The following ZNF311 variants were observed in gnomAD, a reference collection of about 807,000 sequenced individuals.
ZNF311 encodes the protein zinc finger protein 311.
A neutral mutation model predicts 22.7 loss-of-function variants in ZNF311; 14 were observed. The ratio of observed to expected loss-of-function variants is 0.62; its 90% CI spans 0.41 to 0.96. The LOEUF is 0.96. Ranked by LOEUF, ZNF311 falls within the 40% of genes least tolerant of loss-of-function variation. ZNF311 has a pLI of 0.00. For synonymous variants in ZNF311, 250 were observed against 275.3 expected (o/e 0.91, Z 0.91); for missense variants, 731 against 799.0 (o/e 0.91, Z 1.03).
chr6:28,998,957 G>C, intron 5 of ZNF311, 119 bp from the exon 6 acceptor site: 1 of 649,618 alleles, frequency 1.5e-6, no homozygotes, highest in Non-Finnish European at 2.5e-6. Context: ...TGTTAATTTA[G>C]ATAGAGAAAA....
chr6:29,000,845 T>C (rs1481353596), intron 3 of ZNF311, among the ~76,000 whole-genome samples: 1 of 151,942 alleles, frequency 6.6e-6, no homozygotes, highest in Non-Finnish European at 1.5e-5. Context: ...GGCGTGATCT[T>C]GCCTCACTGC....
upstream of ZNF311, among the ~76,000 whole-genome samples, chr6:29,005,490 G>C (rs147714437): frequency 3.4e-3 from 511 of 152,124 alleles, 5 homozygotes; most frequent in African/African-American, 9.6e-3. Flanking sequence ...GGGTATTTAG[G>C]TGAGGGGGGC....
intron 3 of ZNF311, among the ~76,000 whole-genome samples, chr6:29,003,288 T>A (rs1056392381): frequency 1.3e-5 from 2 of 152,228 alleles, no homozygotes; most frequent in African/African-American, 2.4e-5. Context: ...TTGTAGAATC[T>A]TTTACACACT....
chr6:29,002,639 T>C (rs553698957), intron 3 of ZNF311, among the ~76,000 whole-genome samples: 12 of 151,048 alleles, frequency 7.9e-5, no homozygotes, highest in Admixed American at 1.3e-4. Flanking sequence ...TTTTTTTTTT[T>C]AGACAGAGTC....
intron 3 of ZNF311, among the ~76,000 whole-genome samples, chr6:29,002,968 C>T (rs9257455): frequency 0.57 from 86,028 of 151,970 alleles, 27,625 homozygotes; most frequent in African/African-American, 0.87. Flanking sequence ...TCCTCACATA[C>T]GCCACCAAAG....
Position 28,995,107 on chromosome 6 carries a change from CTT to C in ZNF311, c.1893_1894del (p.Arg632LysfsTer9). 2 of 1,613,616 alleles carry C rather than the reference CTT, an allele frequency of 1.2e-6. No individual in the cohort carries two copies. The highest frequency in any genetic ancestry group is 1.7e-6 in the Non-Finnish European group (2 of 1,179,762). ...ATGGGTACTCCATACTTGATGTTTT[CTT>C]TTCTTATGTCCAGTAAGATTTGAGC... On this transcript the variant is annotated frameshift_variant, in exon 7 of 7. Transcript: ENST00000377179. LOFTEE classifies it low-confidence loss of function (END_TRUNC). The surrounding 1 kb of genome is among the most constrained non-coding windows in gnomAD (Gnocchi z 4.7).
chr6:29,001,880 C>A (rs141680947), intron 3 of ZNF311, among the ~76,000 whole-genome samples: 1 of 152,292 alleles, frequency 6.6e-6, no homozygotes, highest in East Asian at 1.9e-4. Context: ...ATATCATTAA[C>A]TGGAAGTTCA....
Position 28,996,202 on chromosome 6 carries a change from T to C in ZNF311, c.800A>G (p.Gln267Arg). Residue 267 changes from glutamine to arginine, a missense_variant, in exon 7 of 7, where the codon CAA (glutamine) becomes CGA (arginine). Gln to Arg is a conservative substitution (Grantham distance 43, BLOSUM62 1). Transcript: ENST00000377179. ...ATGGGGTTTCTCACCAGAATGAATT[T>C]GCTCATGGAGAATTAGATCTGAGTG... ...SWHSDLILHE[Q>R]IHSGEKPHVC... The C allele has an allele frequency of 6.2e-7, 1 of 1,613,502 alleles. No homozygotes were observed. The highest frequency in any genetic ancestry group is 8.5e-7 in the Non-Finnish European group (1 of 1,180,042).
At chr6:29,003,450 C>T (rs1488560510) in intron 3 of ZNF311, 63 bp downstream of exon 3, 3 of 1,520,938 alleles carry the variant, frequency 2.0e-6, no homozygotes, top group African/African-American at 1.4e-5. Flanking sequence ...TTTCCACCCA[C>T]TCTGTGTCCT....
intron 6 of ZNF311, among the ~76,000 whole-genome samples, chr6:28,997,327 T>A (rs1326097146): frequency 6.6e-6 from 1 of 152,216 alleles, no homozygotes; most frequent in Non-Finnish European, 1.5e-5. Flanking sequence ...GGAAACCTGA[T>A]GGTTTTGAGT....
chr6:28,995,678 G>A lies in ZNF311; in HGVS notation c.1324C>T (p.His442Tyr), dbSNP rs1156904558. 1 of 1,613,584 alleles carries A rather than the reference G, an allele frequency of 6.2e-7. No individual in the cohort carries two copies. The highest frequency in any genetic ancestry group is 1.7e-5 in the Admixed American group (1 of 60,022). Reference protein sequence around the residue: ...KHKRIHTREKHYGCPQCGKDF... With the variant: ...KHKRIHTREKYYGCPQCGKDF... Reference sequence around the variant, plus strand: ...TTTCCACACTGGGGACACCCATAGTGTTTCTCCCGAGTATGGATTCGTTTG... The same window carrying A: ...TTTCCACACTGGGGACACCCATAGTATTTCTCCCGAGTATGGATTCGTTTG... The change falls in exon 7 of 7, where the codon CAC becomes TAC. Residue 442 changes from histidine (H) to tyrosine (Y), a missense_variant. His to Tyr is a moderately conservative substitution (Grantham distance 83). Transcript: ENST00000377179. This position sits in a 1 kb window ranked among gnomAD's most constrained non-coding sequence, Gnocchi z 4.7.
intron 3 of ZNF311, among the ~76,000 whole-genome samples, chr6:29,002,103 G>C (rs947095825): frequency 6.6e-6 from 1 of 152,082 alleles, no homozygotes; most frequent in African/African-American, 2.4e-5. Context: ...AAATTGAAAG[G>C]TTATTCCTCT....
In ZNF311 at chr6:28,995,426, G is replaced by C. The variant is rs749556314; in HGVS notation, c.1576C>G (p.Pro526Ala). 6.2e-7 allele frequency: 1 copy of C among 1,614,138 alleles called. No homozygotes were observed. The highest frequency in any genetic ancestry group is 8.5e-7 in the Non-Finnish European group (1 of 1,180,036). ...TTCCCACACTCTAAACATTTGTAAG[G>C]TTTCTCTCCAGTGTGGATTCTCTGA... ...IHQRIHTGEK[P>A]YKCLECGKAF... Residue 526 changes from proline (P) to alanine (A), a missense_variant, in exon 7 of 7, where the codon CCT (proline) becomes GCT (alanine). Pro to Ala is a conservative substitution (Grantham distance 27). Transcript: ENST00000377179. This position sits in a 1 kb window ranked among gnomAD's most constrained non-coding sequence, Gnocchi z 4.7.
At chr6:29,003,416 G>A in intron 3 of ZNF311, 97 bp downstream of exon 3, 1 of 1,088,580 alleles carries the variant, frequency 9.2e-7, no homozygotes, top group South Asian at 1.3e-5. Flanking sequence ...TTAATGAACA[G>A]ATTTTTGGGC....
In ZNF311 at chr6:28,998,786, G is replaced by A; in HGVS notation, c.363C>T (p.Asp121=). 1 of 1,612,972 alleles carries A rather than the reference G, an allele frequency of 6.2e-7. No individual in the cohort carries two copies. The highest frequency in any genetic ancestry group is 8.5e-7 in the Non-Finnish European group (1 of 1,180,012). The change falls in exon 6 of 7, where the codon GAC becomes GAT. Residue 121 remains aspartate, a synonymous_variant. Coordinates refer to ENST00000377179, the MANE Select transcript of ZNF311 (RefSeq NM_001382360.1). ...PLISHLEREV[D]PCVQDPQDRE... The stretch of plus-strand genomic sequence containing the variant: ...TGTCCTGTGGATCCTGCACACAGGG[G>A]TCTACTTCTCGCTCCAGATGAGAGA...
In ZNF311 at chr6:28,999,496, C is replaced by A. The variant is rs1780129890; in HGVS notation, c.301G>T (p.Val101Leu). ...DVMLENYGNM[V>L]SLGFPFPKPP... Reference sequence around the variant, plus strand: ...TAGGGAAGGTCCTTACCAAGTGATACCATGTTCCCATAATTTTCCAACATC... The same window carrying A: ...TAGGGAAGGTCCTTACCAAGTGATAACATGTTCCCATAATTTTCCAACATC... Residue 101 changes from valine (V) to leucine (L), a missense_variant, in exon 5 of 7, where the codon GTA becomes TTA. Val to Leu is a conservative substitution (Grantham distance 32, BLOSUM62 1). Transcript: ENST00000377179. 8.1e-6 allele frequency: 13 copies of A among 1,609,762 alleles called. No individual in the cohort carries two copies. Among genetic ancestry groups the A allele is most frequent in the Non-Finnish European group, 1.1e-5 (13 of 1,178,836 alleles).
chr6:29,003,280 G>C (rs1780702431), intron 3 of ZNF311, among the ~76,000 whole-genome samples: 1 of 152,106 alleles, frequency 6.6e-6, no homozygotes, highest in Admixed American at 6.5e-5. Flanking sequence ...AAATTGCTTT[G>C]TAGAATCTTT....
Position 28,995,250 on chromosome 6 carries a change from GGT to G in ZNF311, c.1750_1751del (p.Thr584LeufsTer3). ...KRIHTGEKPY[T>X]CSECGTSFRQ... ...GGAAGGACGTGCCACACTCACTGCA[GGT>G]GTATGGCTTCTCACCAGTGTGGATT... On this transcript the variant is annotated frameshift_variant, in exon 7 of 7. Coordinates refer to ENST00000377179, the MANE Select transcript of ZNF311 (RefSeq NM_001382360.1). LOFTEE classifies it low-confidence loss of function (END_TRUNC). This position sits in a 1 kb window ranked among gnomAD's most constrained non-coding sequence, Gnocchi z 4.7. The G allele has an allele frequency of 6.2e-7, 1 of 1,614,062 alleles. No individual in the cohort carries two copies. Among genetic ancestry groups the G allele is most frequent in the South Asian group, 1.1e-5 (1 of 91,090 alleles).
At chr6:29,005,427 C>G (rs940839233), upstream of ZNF311, 4 of 151,988 alleles carry the variant, frequency 2.6e-5, no homozygotes, top group Non-Finnish European at 5.9e-5. Context: ...CAGCCGACTC[C>G]CTCCTCAAAT....
Sources: allele counts gnomAD v4.1 joint callset (sites outside exome capture counted in the v4.1 genomes callset), GRCh38; gene constraint gnomAD v4.1.1; non-coding constraint Gnocchi (gnomAD v3.1); transcripts MANE v1.5; gene names NCBI Gene and HGNC (gene_info 2026-07-23, HGNC 2026-07-21).